Variants in ZCWPW1 observed in about 807,000 individuals in gnomAD.
The protein encoded by ZCWPW1 is zinc finger CW-type and PWWP domain containing 1.
In ZCWPW1, 56 loss-of-function variants were observed where a neutral mutation model predicts 81.3. That is an observed-to-expected ratio of 0.69 (90% CI 0.56 to 0.86). The LOEUF is 0.86. Among genes scored for constraint, ZCWPW1 ranks in the 40% least tolerant of loss-of-function variants. The pLI is 0.00. For missense variants in ZCWPW1, 650 were observed against 769.8 expected, an observed-to-expected ratio of 0.84 and a Z score of 1.84; for synonymous variants, 250 against 273.7, an observed-to-expected ratio of 0.91 and a Z score of 0.86.
chr7:100,419,308 T>A, intron 4 of ZCWPW1, 119 bp from the exon 5 acceptor site: 2 of 844,914 alleles, frequency 2.4e-6, no homozygotes, highest in Non-Finnish European at 3.7e-6. Flanking sequence ...AGGCATGCAG[T>A]CAGCATACCT....
rs369980465 is a variant in ZCWPW1 at position 100,401,034 on chromosome 7, C to A, written c.1930G>T (p.Val644Leu). The change falls in exon 18 of 18, where the codon GTG (valine) becomes TTG (leucine). Residue 644 changes from valine (V) to leucine (L), a missense_variant. Transcript: ENST00000684423. The part of the protein sequence containing the change: ...HSNSDGEDFP[V>L]ALFGK The stretch of plus-strand genomic sequence containing the variant: ...ACCAGCTACTTCCCAAACAGCGCCA[C>A]GGGGAAGTCCTCGCCATCACTGTTG... 2 of 1,610,222 alleles carry A rather than the reference C, an allele frequency of 1.2e-6. No individual in the cohort carries two copies. Among genetic ancestry groups the A allele is most frequent in the African/African-American group, 2.7e-5 (2 of 74,850 alleles).
At chr7:100,420,554 G>A in intron 3 of ZCWPW1, 68 bp downstream of exon 3, 2 of 1,574,130 alleles carry the variant, frequency 1.3e-6, no homozygotes, top group South Asian at 1.1e-5. Flanking sequence ...TCCTTTGGTG[G>A]AAAGGATGTC....
intron 1 of ZCWPW1, among the ~76,000 whole-genome samples, chr7:100,426,518 T>C (rs1797375870): frequency 6.6e-6 from 1 of 150,392 alleles, no homozygotes; most frequent in African/African-American, 2.5e-5. Flanking sequence ...AAAAAGTATA[T>C]TTCAAATCTT....
chr7:100,401,231 C>A lies in ZCWPW1; in HGVS notation c.1733G>T (p.Cys578Phe), dbSNP rs753063055. Residue 578 changes from cysteine to phenylalanine, a missense_variant, in exon 18 of 18, where the codon TGT (cysteine) becomes TTT (phenylalanine). Physicochemically the swap from Cys to Phe is radical, Grantham distance 205 (BLOSUM62 -2). Transcript: ENST00000684423. ...TVPKNLGLSACKGACPSSAKE... is the reference protein window; with the variant it reads ...TVPKNLGLSAFKGACPSSAKE... ...CGCAGATGAGGGGCAGGCCCCCTTACACGCTGATAGGCCCAGGTTCTTTGG... is the reference window on the plus strand; with the variant it reads ...CGCAGATGAGGGGCAGGCCCCCTTAAACGCTGATAGGCCCAGGTTCTTTGG... The A allele has an allele frequency of 1.9e-6, 3 of 1,614,148 alleles. No homozygotes were observed. The highest frequency in any genetic ancestry group is 2.5e-6 in the Non-Finnish European group (3 of 1,180,048).
rs185490526 is a variant in ZCWPW1 at position 100,421,673 on chromosome 7, A to T, written c.-29-995T>A. 1.2e-4 allele frequency among the ~76,000 whole-genome samples: 19 copies of T among 152,058 alleles called. No homozygotes were observed. The East Asian group carries it at 2.9e-3, about 23-fold the overall frequency. On this transcript the variant is annotated intron_variant, in intron 2 of 17. Transcript: ENST00000684423. ...TTCATCTTCAGCAATCTACTCACAG[A>T]TGTTCCACACGACATCAATGTGTTT...
chr7:100,408,685 G>A (rs1435992444), intron 9 of ZCWPW1, 26 bp from the exon 10 acceptor site: 1 of 1,606,806 alleles, frequency 6.2e-7, no homozygotes, highest in Non-Finnish European at 8.5e-7. Flanking sequence ...AGGAATGAAG[G>A]GACAGGAAGA....
chr7:100,416,044 G>A lies in ZCWPW1; in HGVS notation c.685C>T (p.Arg229Ter), dbSNP rs760882197. 2.1e-5 allele frequency: 34 copies of A among 1,613,852 alleles called. No homozygotes were observed. The highest frequency in any genetic ancestry group is 2.7e-5 in the African/African-American group (2 of 74,888). The change falls in exon 8 of 18, where the codon CGA becomes TGA. Residue 229 changes from arginine (R) to a stop codon, truncating the protein, a stop_gained. Coordinates refer to ENST00000684423, the MANE Select transcript of ZCWPW1 (RefSeq NM_001386010.1). LOFTEE classifies it high-confidence loss of function. ...TGATCCTGAACTGTTTTCTTTAGTC[G>A]GTCTTCCTGTCTGTGCTCATGTCCA... ...QGGHEHRQED[R>*]LKKTVQDHSQ...
At chr7:100,408,513 G>A in intron 10 of ZCWPW1, 26 bp downstream of exon 10, 1 of 1,606,818 alleles carries the variant, frequency 6.2e-7, no homozygotes, top group Non-Finnish European at 8.5e-7. Context: ...TGTGAAGGAT[G>A]CTCTGACTGT....
intron 15 of ZCWPW1, 22 bp from the exon 16 acceptor site, chr7:100,402,598 T>TA (rs1792152481): frequency 1.9e-6 from 3 of 1,611,968 alleles, no homozygotes; most frequent in Non-Finnish European, 2.5e-6. Context: ...AGAGAAAGTT[T>TA]AAAAAAATGA....
intron 8 of ZCWPW1, among the ~76,000 whole-genome samples, chr7:100,415,220 C>A (rs1431145812): frequency 6.6e-6 from 1 of 150,490 alleles, no homozygotes; most frequent in East Asian, 2.0e-4. Flanking sequence ...GTAACTGAGA[C>A]TACAGGCGCA....
Position 100,404,998 on chromosome 7 carries a change from T to A in ZCWPW1, c.1254+15A>T, listed in dbSNP as rs1370009982. Reference sequence around the variant, plus strand: ...AGTAGGGAAAGGAATGGGTGTGGTCTGAACACCCTCCCACCTGAATGCTGA... The same window carrying A: ...AGTAGGGAAAGGAATGGGTGTGGTCAGAACACCCTCCCACCTGAATGCTGA... On this transcript the variant is annotated intron_variant, in intron 13 of 17. Transcript: ENST00000684423. 2 of 1,611,708 alleles carry A rather than the reference T, an allele frequency of 1.2e-6. No individual in the cohort carries two copies. Among genetic ancestry groups the A allele is most frequent in the Non-Finnish European group, 1.7e-6 (2 of 1,178,502 alleles).
At chr7:100,416,595 T>C in intron 6 of ZCWPW1, 139 bp from the exon 7 acceptor site, 1 of 837,540 alleles carries the variant, frequency 1.2e-6, no homozygotes, top group Non-Finnish European at 1.8e-6. Flanking sequence ...ATCCATCTAC[T>C]TGCCTATTTT....
At chr7:100,412,586 T>A (rs764258412) in intron 8 of ZCWPW1, among the ~76,000 whole-genome samples, 6 of 152,150 alleles carry the variant, frequency 3.9e-5, no homozygotes, top group Non-Finnish European at 7.4e-5. Flanking sequence ...ATTTTTTTTT[T>A]ATTTATTTTT....
In ZCWPW1 at chr7:100,416,117, C is replaced by T. The variant is rs373054083; in HGVS notation, c.632-20G>A. On this transcript the variant is annotated intron_variant, in intron 7 of 17. Coordinates refer to ENST00000684423, the MANE Select transcript of ZCWPW1 (RefSeq NM_001386010.1). The stretch of plus-strand genomic sequence containing the variant: ...CATCTTCTGGGAAGAAAAAAGAAAA[C>T]GTGAGGTGGGGAGATGAAGAAGACA... 1.1e-5 allele frequency: 18 copies of T among 1,612,598 alleles called. No homozygotes were observed. Among genetic ancestry groups the T allele is most frequent in the Non-Finnish European group, 1.4e-5 (16 of 1,179,952 alleles).
intron 15 of ZCWPW1, 112 bp downstream of exon 15, chr7:100,403,582 G>T: frequency 1.3e-6 from 1 of 792,634 alleles, no homozygotes; most frequent in Admixed American, 2.8e-5. Context: ...CCAGCACTTT[G>T]GAAGGCTGAG....
chr7:100,408,684 G>A, intron 9 of ZCWPW1, 25 bp from the exon 10 acceptor site: 1 of 1,607,168 alleles, frequency 6.2e-7, no homozygotes, highest in South Asian at 1.1e-5. Flanking sequence ...AAGGAATGAA[G>A]GGACAGGAAG....
intron 8 of ZCWPW1, among the ~76,000 whole-genome samples, chr7:100,414,567 AC>A: frequency 6.6e-6 from 1 of 151,658 alleles, no homozygotes; most frequent in African/African-American, 2.4e-5. Flanking sequence ...AGGCACTACC[AC>A]TACATCCAGC....
chr7:100,414,346 G>T (rs1794771656), intron 8 of ZCWPW1, among the ~76,000 whole-genome samples: 1 of 152,114 alleles, frequency 6.6e-6, no homozygotes, highest in African/African-American at 2.4e-5. Context: ...AACTTGTTCT[G>T]TCTTTTTGTA....
At chr7:100,401,596 T>G (rs924929459) in intron 17 of ZCWPW1, among the ~76,000 whole-genome samples, 3 of 152,182 alleles carry the variant, frequency 2.0e-5, no homozygotes, top group Non-Finnish European at 2.9e-5. Flanking sequence ...AGAGAGCTAT[T>G]GAAAAAAATT....
Sources: allele counts gnomAD v4.1 joint callset (sites outside exome capture counted in the v4.1 genomes callset), GRCh38; gene constraint gnomAD v4.1.1; transcripts MANE v1.5; gene names NCBI Gene and HGNC (gene_info 2026-07-23, HGNC 2026-07-21).